FHIT: variants seen among roughly 807,000 people sequenced by gnomAD.
FHIT encodes the protein fragile histidine triad diadenosine triphosphatase.
FHIT carries 19 observed loss-of-function variants against 17.9 expected under a neutral mutation model. That is an observed-to-expected ratio of 1.06 (90% CI 0.74 to 1.56). The LOEUF (loss-of-function observed/expected upper bound fraction) is 1.56, where lower values mean the gene tolerates loss of function less well. Ranked by LOEUF, FHIT falls within the 40% of genes most tolerant of loss-of-function variation. FHIT has a pLI of 0.00. For synonymous variants in FHIT, 81 were observed against 69.7 expected (o/e 1.16, Z -0.81); for missense variants, 248 against 189.2 (o/e 1.31, Z -1.82).
intron 3 of FHIT, among the ~76,000 whole-genome samples, chr3:60,848,917 A>T (rs1703032203): frequency 6.6e-6 from 1 of 152,176 alleles, no homozygotes; most frequent in East Asian, 1.9e-4. Flanking sequence ...TAAACACTTT[A>T]AAATTGAAAT....
chr3:61,068,635 G>A (rs2034695740), intron 2 of FHIT, among the ~76,000 whole-genome samples: 1 of 152,102 alleles, frequency 6.6e-6, no homozygotes, highest in Non-Finnish European at 1.5e-5. Flanking sequence ...ACAGGTTCTG[G>A]AGATTAGGGT....
At chr3:59,824,329 A>G (rs1373468558) in intron 8 of FHIT, among the ~76,000 whole-genome samples, 1 of 152,228 alleles carries the variant, frequency 6.6e-6, no homozygotes, top group Non-Finnish European at 1.5e-5. Flanking sequence ...AACTAATTAG[A>G]TGGTGAGGCA....
chr3:60,389,435 T>G (rs1701139712), intron 5 of FHIT, among the ~76,000 whole-genome samples: 1 of 152,200 alleles, frequency 6.6e-6, no homozygotes, highest in Non-Finnish European at 1.5e-5. Flanking sequence ...TGTCTACAGT[T>G]CCTCACTCTG....
intron 4 of FHIT, among the ~76,000 whole-genome samples, chr3:60,796,536 T>C (rs1229240628): frequency 6.6e-6 from 1 of 152,148 alleles, no homozygotes; most frequent in African/African-American, 2.4e-5. Flanking sequence ...TCAAGTTGGG[T>C]TTAAAATGTT....
intron 5 of FHIT, among the ~76,000 whole-genome samples, chr3:60,203,541 A>G (rs2107498991): frequency 6.6e-6 from 1 of 152,278 alleles, no homozygotes; most frequent in East Asian, 1.9e-4. Context: ...TGCAATTCAT[A>G]GTTTTGACAA....
chr3:60,986,798 A>T (rs1710737103), intron 3 of FHIT, among the ~76,000 whole-genome samples: 1 of 152,066 alleles, frequency 6.6e-6, no homozygotes, highest in African/African-American at 2.4e-5. Flanking sequence ...TCCCCCACTG[A>T]TATGTGCTTG....
At chr3:59,951,105 T>A (rs1421184298) in intron 7 of FHIT, among the ~76,000 whole-genome samples, 1 of 152,178 alleles carries the variant, frequency 6.6e-6, no homozygotes, top group Non-Finnish European at 1.5e-5. Flanking sequence ...ATTACCTATG[T>A]GTTATGCATG....
At chr3:60,732,693 T>TTTTTTG in intron 4 of FHIT, 1 of 346,478 alleles carries the variant, frequency 2.9e-6, no homozygotes, top group Admixed American at 3.5e-5. Context: ...GCTTTTTTTT[T>TTTTTTG]TTTTTTTTTT....
At chr3:60,448,445 T>C (rs1176888752) in intron 5 of FHIT, among the ~76,000 whole-genome samples, 1 of 152,222 alleles carries the variant, frequency 6.6e-6, no homozygotes, top group African/African-American at 2.4e-5. Context: ...GCATTTTCTG[T>C]ATGTGGTAGG....
chr3:60,542,903 T>C (rs2036231034), intron 4 of FHIT, among the ~76,000 whole-genome samples: 1 of 152,220 alleles, frequency 6.6e-6, no homozygotes, highest in Admixed American at 6.5e-5. Flanking sequence ...ATTTAGGTAT[T>C]TATTCCACTT....
At chr3:59,894,114 C>T (rs995550235) in intron 8 of FHIT, among the ~76,000 whole-genome samples, 1 of 151,996 alleles carries the variant, frequency 6.6e-6, no homozygotes, top group African/African-American at 2.4e-5. Flanking sequence ...TGTGGTGGTG[C>T]ACGCCTGTAG....
chr3:61,209,020 A>G (rs1307013784), intron 1 of FHIT, among the ~76,000 whole-genome samples: 3 of 151,930 alleles, frequency 2.0e-5, no homozygotes, highest in Non-Finnish European at 4.4e-5. Context: ...TGGTGGTGAG[A>G]AAATCTCTCA....
At chr3:60,745,367 AG>A (rs1173732161) in intron 4 of FHIT, among the ~76,000 whole-genome samples, 1 of 152,188 alleles carries the variant, frequency 6.6e-6, no homozygotes, top group African/African-American at 2.4e-5. Flanking sequence ...GACTGAATAA[AG>A]ACCAGTGAGA....
intron 7 of FHIT, among the ~76,000 whole-genome samples, chr3:59,956,060 CTCT>C (rs1278526240): frequency 6.6e-6 from 1 of 152,352 alleles, no homozygotes; most frequent in East Asian, 1.9e-4. Flanking sequence ...TGGCACAGCT[CTCT>C]TCTTCTATCA....
At chr3:59,765,968 C>T (rs375039108) in intron 8 of FHIT, among the ~76,000 whole-genome samples, 5 of 152,162 alleles carry the variant, frequency 3.3e-5, no homozygotes, top group Admixed American at 2.0e-4. Context: ...AAAAAATTCC[C>T]TAAAGACAAT....
chr3:60,307,140 C>T (rs886160584), intron 5 of FHIT, among the ~76,000 whole-genome samples: 2 of 152,182 alleles, frequency 1.3e-5, no homozygotes, highest in African/African-American at 4.8e-5. Flanking sequence ...TGCAGACACG[C>T]TGACTGCAAT....
intron 1 of FHIT, among the ~76,000 whole-genome samples, chr3:61,210,161 G>A (rs1047266120): frequency 5.3e-5 from 8 of 151,882 alleles, no homozygotes; most frequent in Admixed American, 3.3e-4. Flanking sequence ...CTGCTTGATC[G>A]TTCAAGTTTT....
At chr3:61,057,555 T>G (rs2034269646) in intron 2 of FHIT, among the ~76,000 whole-genome samples, 1 of 152,170 alleles carries the variant, frequency 6.6e-6, no homozygotes. Flanking sequence ...CAGATATACC[T>G]AATGACTGTA....
chr3:59,884,511 G>C (rs1390272559), intron 8 of FHIT, among the ~76,000 whole-genome samples: 2 of 152,100 alleles, frequency 1.3e-5, no homozygotes, highest in Admixed American at 1.3e-4. Context: ...ATTATGGTTG[G>C]AAACTAGAGG....
Sources: gnomAD v4.1 joint callset for allele counts (sites outside exome capture counted in the v4.1 genomes callset) on GRCh38, gnomAD v4.1.1 for gene constraint, MANE v1.5 for transcripts, NCBI Gene and HGNC (gene_info 2026-07-23, HGNC 2026-07-21) for gene names.